Variants in HARS2 observed in about 807,000 individuals in gnomAD.
HARS2 encodes the protein histidyl-tRNA synthetase 2, mitochondrial.
A neutral mutation model predicts 62.4 loss-of-function variants in HARS2; 40 were observed. The ratio of observed to expected loss-of-function variants is 0.64; its 90% CI spans 0.50 to 0.83. The LOEUF (loss-of-function observed/expected upper bound fraction) is 0.83. Among genes scored for constraint, HARS2 ranks in the 40% least tolerant of loss-of-function variants. HARS2 has a pLI of 0.00. For missense variants in HARS2, 569 were observed against 626.4 expected, an observed-to-expected ratio of 0.91 and a Z score of 0.98; for synonymous variants, 228 against 227.0, an observed-to-expected ratio of 1.00 and a Z score of -0.04.
intron 11 of HARS2, 52 bp from the exon 12 acceptor site, chr5:140,697,880 T>C (rs1056435678): frequency 6.3e-6 from 10 of 1,586,296 alleles, no homozygotes; most frequent in Admixed American, 1.7e-5. Flanking sequence ...GTTCCTGAGG[T>C]TTGTTGCTGT....
Position 140,691,542 on chromosome 5 carries a change from G to C in HARS2, c.-107G>C. On this transcript the variant is annotated 5_prime_UTR_variant, in exon 1 of 13. Transcript: ENST00000230771. ...TGCGCAAACGCCCGAGTTTTCCCTGGTGCGCGGGTTCCGCCTTTGCAGTGC... is the reference window on the plus strand; with the variant it reads ...TGCGCAAACGCCCGAGTTTTCCCTGCTGCGCGGGTTCCGCCTTTGCAGTGC... 1 of 820,672 alleles carries C rather than the reference G, an allele frequency of 1.2e-6. No homozygotes were observed. The highest frequency in any genetic ancestry group is 1.7e-5 in the African/African-American group (1 of 59,460). The allele number at this position is 820,672 out of a possible 1,614,324, so 50.8% of individuals were successfully genotyped here. A position where few individuals can be genotyped will look rare whatever the true frequency, so the allele number is the denominator to read the frequency against.
At position 140,695,579 on chromosome 5, in the gene HARS2, G is replaced by A. The variant is rs769722665; in HGVS notation, c.471G>A (p.Trp157Ter). The A allele has an allele frequency of 6.2e-6, 10 of 1,614,092 alleles. No individual in the cohort carries two copies. The African/African-American group carries it at 1.3e-4, about 22-fold the overall frequency. The change falls in exon 5 of 13, where the codon TGG becomes TGA. Residue 157 changes from tryptophan to a stop codon, truncating the protein, a stop_gained. Transcript: ENST00000230771. LOFTEE classifies it high-confidence loss of function. ...AACGTTATCATGTTGGAAAGGTGTGGCGGCGAGAGAGCCCAACCATAGTCC... is the reference window on the plus strand; with the variant it reads ...AACGTTATCATGTTGGAAAGGTGTGACGGCGAGAGAGCCCAACCATAGTCC... ...KMKRYHVGKV[W>*]RRESPTIVQG...
In HARS2 at chr5:140,695,594, A is replaced by C; in HGVS notation, c.486A>C (p.Pro162=). ...HVGKVWRRES[P]TIVQGRYREF... ...GAAAGGTGTGGCGGCGAGAGAGCCC[A>C]ACCATAGTCCAAGGCCGTTATAGGG... is the stretch of plus-strand genomic sequence containing the variant. The change falls in exon 5 of 13, where the codon CCA becomes CCC. Residue 162 remains proline, a synonymous_variant. Coordinates refer to ENST00000230771, the MANE Select transcript of HARS2 (RefSeq NM_012208.4). 2 of 1,614,266 alleles carry C rather than the reference A, an allele frequency of 1.2e-6. No individual in the cohort carries two copies. Among genetic ancestry groups the C allele is most frequent in the South Asian group, 1.1e-5 (1 of 91,088 alleles).
rs1392472479 is a variant in HARS2, at chr5:140,694,055, G to A, written c.303+1G>A. 6.2e-7 allele frequency: 1 copy of A among 1,614,078 alleles called. No individual in the cohort carries two copies. The highest frequency in any genetic ancestry group is 1.3e-5 in the African/African-American group (1 of 74,936). On this transcript the variant is annotated splice_donor_variant, in intron 3 of 12. Transcript: ENST00000230771. LOFTEE classifies it high-confidence loss of function. ...GGACACCCCAGCATTTGAGCTGAAGGTAAGGGGAGAAGAAAGAGTACGTGC... is the reference window on the plus strand; with the variant it reads ...GGACACCCCAGCATTTGAGCTGAAGATAAGGGGAGAAGAAAGAGTACGTGC...
At chr5:140,692,353 CCTTA>C (rs1309022359) in intron 1 of HARS2, 1 of 155,470 alleles carries the variant, frequency 6.4e-6, no homozygotes, top group African/African-American at 2.4e-5. Flanking sequence ...TTAAGTTTTG[CCTTA>C]CTTCGGAAAG....
chr5:140,697,690 G>A lies in HARS2; in HGVS notation c.1314+5G>A, dbSNP rs767221029. ...CTTTGGGATTCTGGAATCAAGGTAT[G>A]GTGGAGCTGATATCTGAGCCATCTG... On this transcript the variant is annotated splice_donor_5th_base_variant and intron_variant, in intron 11 of 12. Transcript: ENST00000230771. 2 of 1,582,438 alleles carry A rather than the reference G, an allele frequency of 1.3e-6. No homozygotes were observed. The highest frequency in any genetic ancestry group is 1.7e-6 in the Non-Finnish European group (2 of 1,151,086).
chr5:140,697,976 G>A lies in HARS2; in HGVS notation c.1359G>A (p.Leu453=). The change falls in exon 12 of 13, where the codon CTG becomes CTA. Residue 453 remains leucine (L), a synonymous_variant. Coordinates refer to ENST00000230771, the MANE Select transcript of HARS2 (RefSeq NM_012208.4). ...ACAACCCCAAACTATTAACCCAGCT[G>A]CACTATTGTGAGAGCACAGGCATTC... ...YKNNPKLLTQ[L]HYCESTGIPL... 6.2e-7 allele frequency: 1 copy of A among 1,613,780 alleles called. No individual in the cohort carries two copies. The highest frequency in any genetic ancestry group is 1.1e-5 in the South Asian group (1 of 91,082).
intron 8 of HARS2, 94 bp from the exon 9 acceptor site, chr5:140,696,849 T>C (rs1309388365): frequency 9.3e-7 from 1 of 1,071,692 alleles, no homozygotes; most frequent in Admixed American, 2.2e-5. Context: ...TTTTTTTTTT[T>C]TAAAGAAAAT....
intron 1 of HARS2, chr5:140,693,382 A>T (rs1759613606): frequency 1.0e-6 from 1 of 964,766 alleles, no homozygotes. Context: ...TGTGGTGAAG[A>T]CCTGACCTCA....
chr5:140,696,277 A>G, intron 7 of HARS2, 76 bp downstream of exon 7: 1 of 1,109,026 alleles, frequency 9.0e-7, no homozygotes, highest in Non-Finnish European at 1.4e-6. Flanking sequence ...CTAGTGAAAA[A>G]TAAGGAGATT....
Position 140,694,235 on chromosome 5 carries a change from G to A in HARS2, c.354G>A (p.Leu118=). The part of the protein sequence containing the change: ...YGEDSGLMYD[L]KDQGGELLSL... Reference sequence around the variant, plus strand: ...AGGACTCTGGGCTCATGTATGATCTGAAGGATCAAGGTGGAGAGCTGTTGT... The same window carrying A: ...AGGACTCTGGGCTCATGTATGATCTAAAGGATCAAGGTGGAGAGCTGTTGT... Residue 118 remains leucine, a synonymous_variant, in exon 4 of 13, where the codon CTG becomes CTA. Coordinates refer to ENST00000230771, the MANE Select transcript of HARS2 (RefSeq NM_012208.4). 6.2e-7 allele frequency: 1 copy of A among 1,613,742 alleles called. No individual in the cohort carries two copies. The highest frequency in any genetic ancestry group is 8.5e-7 in the Non-Finnish European group (1 of 1,179,570).
chr5:140,696,968 G>A lies in HARS2; in HGVS notation c.852G>A (p.Met284Ile), dbSNP rs753988132. The change falls in exon 9 of 13, where the codon ATG becomes ATA. Residue 284 changes from methionine to isoleucine, a missense_variant. Transcript: ENST00000230771. ...CHGGVSLVEQ[M>I]FQDPRLSQNK... ...GTGGGGTATCCCTAGTAGAGCAAAT[G>A]TTTCAGGATCCCAGACTATCCCAGA... 1.2e-6 allele frequency: 2 copies of A among 1,613,440 alleles called. No homozygotes were observed. The highest frequency in any genetic ancestry group is 2.2e-5 in the East Asian group (1 of 44,852).
At chr5:140,693,008 C>T (rs1282953849) in intron 1 of HARS2, among the ~76,000 whole-genome samples, 2 of 151,960 alleles carry the variant, frequency 1.3e-5, no homozygotes, top group South Asian at 2.1e-4. Context: ...TCAGTGCCTT[C>T]ATTATTCTCA....
chr5:140,698,979 G>A lies in HARS2; in HGVS notation c.*427G>A. 3.5e-6 allele frequency: 1 copy of A among 288,138 alleles called. No homozygotes were observed. Among genetic ancestry groups the A allele is most frequent in the Non-Finnish European group, 6.8e-6 (1 of 147,518 alleles). 17.8% of individuals were successfully genotyped at this position (288,138 alleles called of 1,614,324 possible). ...TGAATTTGTCCACAATCAGCCATTG[G>A]CCTGTCTGGGGAGTTTTTGGAAGAC... On this transcript the variant is annotated 3_prime_UTR_variant, in exon 13 of 13. Coordinates refer to ENST00000230771, the MANE Select transcript of HARS2 (RefSeq NM_012208.4).
rs1759829537 is a variant in HARS2 at position 140,698,061 on chromosome 5, G to C, written c.1444G>C (p.Val482Leu). Residue 482 changes from valine to leucine, a missense_variant, in exon 12 of 13, where the codon GTG (valine) becomes CTG (leucine). Val to Leu is a conservative substitution (Grantham distance 32, BLOSUM62 1). Transcript: ENST00000230771. ...AGAAGGGGTCATCAAGATCCGTTCA[G>C]TGGCCAGCAGAGAGGAGGTGAGTGG... Reference protein sequence around the residue: ...LKEGVIKIRSVASREEVAIKR... With the variant: ...LKEGVIKIRSLASREEVAIKR... The C allele has an allele frequency of 1.2e-6, 2 of 1,614,104 alleles. No individual in the cohort carries two copies. Among genetic ancestry groups the C allele is most frequent in the South Asian group, 1.1e-5 (1 of 91,092 alleles).
chr5:140,696,679 A>G (rs1223439151), intron 8 of HARS2, 65 bp downstream of exon 8: 2 of 1,102,540 alleles, frequency 1.8e-6, no homozygotes, highest in African/African-American at 3.1e-5. Flanking sequence ...CTCAAATTCT[A>G]CCTCTGAAAC....
In HARS2 at chr5:140,691,638, C is replaced by G. The variant is rs1759473719; in HGVS notation, c.-11C>G. 6.5e-7 allele frequency: 1 copy of G among 1,539,134 alleles called. No homozygotes were observed. The highest frequency in any genetic ancestry group is 8.8e-7 in the Non-Finnish European group (1 of 1,136,436). On this transcript the variant is annotated 5_prime_UTR_variant, in exon 1 of 13. Coordinates refer to ENST00000230771, the MANE Select transcript of HARS2 (RefSeq NM_012208.4). ...TGTTCCTGTCCCGGAAAGCCGGCGT[C>G]CTGCCGCGCGATGCCCCTGCTCGGA...
At position 140,691,699 on chromosome 5, in the gene HARS2, C is replaced by T. The variant is rs1161981878; in HGVS notation, c.51C>T (p.Ser17=). 18 of 1,552,510 alleles carry T rather than the reference C, an allele frequency of 1.2e-5. No homozygotes were observed. Among genetic ancestry groups the T allele is most frequent in the Non-Finnish European group, 1.6e-5 (18 of 1,147,766 alleles). Residue 17 remains serine, a synonymous_variant, in exon 1 of 13, where the codon AGC becomes AGT. Coordinates refer to ENST00000230771, the MANE Select transcript of HARS2 (RefSeq NM_012208.4). ...LPRRAWASLL[S]QLLRPPCASC... The stretch of plus-strand genomic sequence containing the variant: ...GGAGGGCCTGGGCTTCGCTGCTCAG[C>T]CAGCTCCTGCGACCGCCCTGCGCTT...
chr5:140,691,725 C>T lies in HARS2; in HGVS notation c.77C>T (p.Ser26Leu), dbSNP rs750886389. The change falls in exon 1 of 13, where the codon TCG (serine) becomes TTG (leucine). Residue 26 changes from serine (S) to leucine (L), a missense_variant. By Grantham distance (145) the Ser-to-Leu change is moderately radical (BLOSUM62 -2). Coordinates refer to ENST00000230771, the MANE Select transcript of HARS2 (RefSeq NM_012208.4). ...CAGCTCCTGCGACCGCCCTGCGCTT[C>T]GTGCACCGGGGCGGTCCGTTGCCAA... ...LSQLLRPPCA[S>L]CTGAVRCQSQ... 5 of 1,552,476 alleles carry T rather than the reference C, an allele frequency of 3.2e-6. No individual in the cohort carries two copies. In the South Asian group the frequency reaches 5.9e-5, roughly 18 times the overall value.
Sources: allele counts gnomAD v4.1 joint callset (sites outside exome capture counted in the v4.1 genomes callset), GRCh38; gene constraint gnomAD v4.1.1; transcripts MANE v1.5; gene names NCBI Gene and HGNC (gene_info 2026-07-23, HGNC 2026-07-21).